The following TMEM117 variants were observed in gnomAD, a reference collection of about 807,000 sequenced individuals.
TMEM117 encodes the protein transmembrane protein 117.
A neutral mutation model predicts 52.4 loss-of-function variants in TMEM117; 27 were observed. The ratio of observed to expected loss-of-function variants is 0.51; its 90% confidence interval spans 0.38 to 0.71. The LOEUF (loss-of-function observed/expected upper bound fraction) is 0.71, where lower values mean the gene tolerates loss of function less well. Ranked by LOEUF, TMEM117 falls within the 30% of genes least tolerant of loss-of-function variation. The pLI, the probability that TMEM117 is intolerant of heterozygous loss-of-function variation, is 0.00. For synonymous variants in TMEM117, 215 were observed against 206.3 expected (o/e 1.04, Z -0.36); for missense variants, 556 against 630.5 (o/e 0.88, Z 1.26).
At chr12:44,203,048 G>T (rs1411436856) in intron 4 of TMEM117, among the ~76,000 whole-genome samples, 3 of 152,026 alleles carry the variant, frequency 2.0e-5, no homozygotes, top group African/African-American at 7.2e-5. Flanking sequence ...GACCATCTTG[G>T]CCTCCCAAAA....
chr12:44,333,357 T>A (rs151010177), intron 6 of TMEM117, among the ~76,000 whole-genome samples: 145 of 152,126 alleles, frequency 9.5e-4, no homozygotes, highest in African/African-American at 3.2e-3. Flanking sequence ...GAAGTAGATA[T>A]TAACTAATGA....
At chr12:44,026,030 A>T (rs555705481) in intron 3 of TMEM117, among the ~76,000 whole-genome samples, 1 of 152,122 alleles carries the variant, frequency 6.6e-6, no homozygotes, top group Non-Finnish European at 1.5e-5. Flanking sequence ...GTGGACCAAT[A>T]ATCTTTTCTA....
intron 3 of TMEM117, among the ~76,000 whole-genome samples, chr12:44,107,145 C>T (rs1468019780): frequency 3.3e-5 from 5 of 151,980 alleles, no homozygotes; most frequent in African/African-American, 9.7e-5. Flanking sequence ...ACTTAGTTCT[C>T]AAAATAACCT....
intron 4 of TMEM117, among the ~76,000 whole-genome samples, chr12:44,179,029 A>G (rs1246844214): frequency 6.6e-6 from 1 of 152,118 alleles, no homozygotes; most frequent in East Asian, 1.9e-4. Context: ...CCCCATCTTT[A>G]CTAAAAGTAC....
chr12:44,375,939 G>A (rs1951935026), intron 6 of TMEM117, among the ~76,000 whole-genome samples: 1 of 152,164 alleles, frequency 6.6e-6, no homozygotes, highest in South Asian at 2.1e-4. Flanking sequence ...GGCCCACCCA[G>A]TTTTGCCTTG....
intron 3 of TMEM117, among the ~76,000 whole-genome samples, chr12:44,137,948 T>A (rs1948516049): frequency 6.6e-6 from 1 of 152,186 alleles, no homozygotes; most frequent in Non-Finnish European, 1.5e-5. Flanking sequence ...TACCTTTTTT[T>A]ACATGCATAT....
At chr12:44,032,366 GT>G (rs1314565884) in intron 3 of TMEM117, among the ~76,000 whole-genome samples, 1 of 152,186 alleles carries the variant, frequency 6.6e-6, no homozygotes, top group African/African-American at 2.4e-5. Context: ...TTGATTTTAA[GT>G]TTGTTTCTTC....
intron 3 of TMEM117, among the ~76,000 whole-genome samples, chr12:44,011,676 A>ATACATACG (rs1946292086): frequency 6.6e-6 from 1 of 152,026 alleles, no homozygotes; most frequent in African/African-American, 2.4e-5. Flanking sequence ...ACATACATAC[A>ATACATACG]TATGTATGAC....
At chr12:44,340,069 C>T (rs1013417400) in intron 6 of TMEM117, among the ~76,000 whole-genome samples, 5 of 151,922 alleles carry the variant, frequency 3.3e-5, no homozygotes, top group Non-Finnish European at 7.4e-5. Context: ...AGATTTGGAA[C>T]ATAACTACAT....
chr12:44,250,918 T>G (rs1950189708), intron 5 of TMEM117, among the ~76,000 whole-genome samples: 1 of 152,148 alleles, frequency 6.6e-6, no homozygotes, highest in Admixed American at 6.5e-5. Context: ...GACAGGTTGA[T>G]AGGTGCAGCA....
downstream of TMEM117, among the ~76,000 whole-genome samples, chr12:44,391,558 A>C (rs1054417159): frequency 6.6e-6 from 1 of 152,180 alleles, no homozygotes; most frequent in Non-Finnish European, 1.5e-5. Flanking sequence ...CAACACAGGC[A>C]TTCAGATTTG....
intron 6 of TMEM117, among the ~76,000 whole-genome samples, chr12:44,322,845 A>T (rs840763): frequency 1.3e-5 from 2 of 152,052 alleles, no homozygotes; most frequent in Non-Finnish European, 2.9e-5. Flanking sequence ...AAAGATACTC[A>T]TACCCTACTC....
At chr12:44,321,787 CT>C (rs1489339969) in intron 6 of TMEM117, among the ~76,000 whole-genome samples, 10 of 152,198 alleles carry the variant, frequency 6.6e-5, no homozygotes, top group Non-Finnish European at 1.5e-5. Flanking sequence ...GTATTCTCAA[CT>C]GCAAGCTACT....
intron 3 of TMEM117, among the ~76,000 whole-genome samples, chr12:43,986,475 G>A (rs1945848870): frequency 6.6e-6 from 1 of 152,054 alleles, no homozygotes; most frequent in African/African-American, 2.4e-5. Context: ...TATTGCTGAT[G>A]TCTTTATGAT....
intron 3 of TMEM117, among the ~76,000 whole-genome samples, chr12:44,062,353 T>C (rs918275994): frequency 6.6e-6 from 1 of 152,196 alleles, no homozygotes; most frequent in African/African-American, 2.4e-5. Context: ...GGCGGTTAGG[T>C]ATGCACCAGT....
chr12:44,258,034 G>T (rs1950279715), intron 5 of TMEM117, among the ~76,000 whole-genome samples: 1 of 151,956 alleles, frequency 6.6e-6, no homozygotes, highest in South Asian at 2.1e-4. Flanking sequence ...TTTATGAGAA[G>T]ACAGAACATA....
At chr12:44,380,716 C>A (rs1309685855) in intron 7 of TMEM117, among the ~76,000 whole-genome samples, 1 of 150,414 alleles carries the variant, frequency 6.6e-6, no homozygotes, top group Admixed American at 6.6e-5. Context: ...ATGTAGTAAG[C>A]ATTCAGTAAG....
At chr12:43,934,978 T>C (rs1194033604) in intron 2 of TMEM117, among the ~76,000 whole-genome samples, 1 of 152,184 alleles carries the variant, frequency 6.6e-6, no homozygotes, top group Non-Finnish European at 1.5e-5. Context: ...TCTCATATTT[T>C]AGTTATTTTT....
At chr12:44,013,068 G>C (rs115273395) in intron 3 of TMEM117, among the ~76,000 whole-genome samples, 2,396 of 150,352 alleles carry the variant, frequency 0.016, 47 homozygotes, top group African/African-American at 0.055. Flanking sequence ...TGTCACCCAA[G>C]CTCATGTCCA....
Sources: gnomAD v4.1 joint callset for allele counts (sites outside exome capture counted in the v4.1 genomes callset) on GRCh38, gnomAD v4.1.1 for gene constraint, MANE v1.5 for transcripts, NCBI Gene and HGNC (gene_info 2026-07-23, HGNC 2026-07-21) for gene names.